Variants in ACTA2 observed in about 807,000 individuals in gnomAD.
ACTA2 encodes actin alpha 2, smooth muscle, also known as actin, aortic smooth muscle.
In ACTA2, 12 loss-of-function variants were observed where a neutral mutation model predicts 39.5. The ratio of observed to expected loss-of-function variants is 0.30; its 90% CI spans 0.19 to 0.49. ACTA2 has a LOEUF of 0.49. Ranked by LOEUF, ACTA2 falls within the 20% of genes least tolerant of loss-of-function variation. The pLI, the probability that ACTA2 is intolerant of heterozygous loss-of-function variation, is 0.99. For missense variants in ACTA2, 236 were observed against 498.8 expected, an observed-to-expected ratio of 0.47 and a Z score of 5.02; for synonymous variants, 158 against 180.6, an observed-to-expected ratio of 0.88 and a Z score of 1.00.
At chr10:88,965,326 T>A (rs972109934) in intron 1 of ACTA2, among the ~76,000 whole-genome samples, 1 of 152,198 alleles carries the variant, frequency 6.6e-6, no homozygotes, top group Non-Finnish European at 1.5e-5. Flanking sequence ...AGCAACTTTC[T>A]ATTTTCCCCA....
chr10:88,965,114 A>G (rs1237926515), intron 1 of ACTA2, among the ~76,000 whole-genome samples: 1 of 152,114 alleles, frequency 6.6e-6, no homozygotes, highest in African/African-American at 2.4e-5. Flanking sequence ...ACCTTCTTAG[A>G]TGCATTTTTT....
chr10:88,971,228 A>G (rs1243074576), intron 1 of ACTA2, among the ~76,000 whole-genome samples: 1 of 152,248 alleles, frequency 6.6e-6, no homozygotes, highest in Non-Finnish European at 1.5e-5. Flanking sequence ...TGCTACTTAA[A>G]TGAGTATCTC....
At position 88,990,541 on chromosome 10, in the gene ACTA2, C is replaced by G. The variant is rs777366435; in HGVS notation, c.-24+398G>C. The G allele has an allele frequency of 1.6e-6, 1 of 623,132 alleles. No homozygotes were observed. The highest frequency in any genetic ancestry group is 1.5e-5 in the South Asian group (1 of 65,982). The allele number at this position is 623,132 out of a possible 1,614,324, so 38.6% of individuals were successfully genotyped here. ...TGACTTCTCCCCCTCCCTACCCGCGCGCAGGCCAAGTTGCTGAATCAATGG... is the reference window on the plus strand; with the variant it reads ...TGACTTCTCCCCCTCCCTACCCGCGGGCAGGCCAAGTTGCTGAATCAATGG... On this transcript the variant is annotated intron_variant, in intron 1 of 4. Transcript: ENST00000415557. The surrounding 1 kb of genome is among the most constrained non-coding windows in gnomAD (Gnocchi z 4.9).
At position 88,990,109 on chromosome 10, in the gene ACTA2, T is replaced by TA. The variant is rs1180609907; in HGVS notation, c.-24+829_-24+830insT. On this transcript the variant is annotated intron_variant, in intron 1 of 4. Coordinates refer to the ACTA2 transcript ENST00000415557. This position sits in a 1 kb window ranked among gnomAD's most constrained non-coding sequence, Gnocchi z 4.9. ...GATTTGGCTTAAGTTGTTAGCTTTG[T>TA]TTTCCTCTTGAGAAATAAAAACTAA... Among the ~76,000 whole-genome samples the TA allele has an allele frequency of 1.3e-5, 2 of 152,242 alleles. No homozygotes were observed. Among genetic ancestry groups the TA allele is most frequent in the African/African-American group, 4.8e-5 (2 of 41,460 alleles).
At chr10:88,951,592 AAG>A (rs1846051172) in intron 1 of ACTA2, among the ~76,000 whole-genome samples, 3 of 152,220 alleles carry the variant, frequency 2.0e-5, no homozygotes, top group Non-Finnish European at 2.9e-5. Flanking sequence ...TGTCCCCGGA[AAG>A]AGTCAGCTCA....
chr10:88,980,706 C>T (rs962821267), intron 1 of ACTA2, among the ~76,000 whole-genome samples: 1 of 152,192 alleles, frequency 6.6e-6, no homozygotes, highest in Non-Finnish European at 1.5e-5. Context: ...AATGTCCCCC[C>T]TCTGGAGCAA....
At chr10:88,977,374 C>A (rs1344489823) in intron 1 of ACTA2, among the ~76,000 whole-genome samples, 2 of 151,296 alleles carry the variant, frequency 1.3e-5, no homozygotes, top group African/African-American at 2.4e-5. Context: ...TTTCAGCTTT[C>A]TACATATGGC....
chr10:88,950,858 A>G (rs1360305767), intron 1 of ACTA2, among the ~76,000 whole-genome samples: 2 of 152,222 alleles, frequency 1.3e-5, no homozygotes, highest in Admixed American at 1.3e-4. Context: ...GTTTAAAATA[A>G]TTTATAGTGG....
Position 88,935,197 on chromosome 10 carries a change from G to C in ACTA2, c.*26C>G. On this transcript the variant is annotated 3_prime_UTR_variant, in exon 9 of 9. Coordinates refer to ENST00000224784, the MANE Select transcript of ACTA2 (RefSeq NM_001613.4). ...ACAGGACATTCACAGTTGTGTGCTAGAGACAGAGAGGAGCAGGAAAGTGTT... is the reference window on the plus strand; with the variant it reads ...ACAGGACATTCACAGTTGTGTGCTACAGACAGAGAGGAGCAGGAAAGTGTT... 1 of 1,611,752 alleles carries C rather than the reference G, an allele frequency of 6.2e-7. No individual in the cohort carries two copies.
intron 2 of ACTA2, 85 bp from the exon 3 acceptor site, chr10:88,947,471 G>A (rs1845973420): frequency 6.3e-7 from 1 of 1,576,516 alleles, no homozygotes; most frequent in Admixed American, 1.7e-5. Context: ...TTAAGTCATT[G>A]AGATGGGAAG....
intron 1 of ACTA2, among the ~76,000 whole-genome samples, chr10:88,952,402 A>C (rs1448451337): frequency 2.6e-5 from 4 of 152,212 alleles, no homozygotes; most frequent in Non-Finnish European, 4.4e-5. Flanking sequence ...TAAATGTATA[A>C]CTTACTGCAC....
chr10:88,990,953 GGGGATAGGCAAAGT>G lies in ACTA2; in HGVS notation c.-52_-39del, dbSNP rs1847145944. ...TGGAGGCTTACCCCGTCTTAGTCCC[GGGGATAGGCAAAGT>G]GGGGCGGGCGCGGGACGCGTGCGGG... On this transcript the variant is annotated 5_prime_UTR_variant, in exon 1 of 5. Coordinates refer to the ACTA2 transcript ENST00000415557. This position sits in a 1 kb window ranked among gnomAD's most constrained non-coding sequence, Gnocchi z 4.9. 2 of 1,613,632 alleles carry G rather than the reference GGGGATAGGCAAAGT, an allele frequency of 1.2e-6. No homozygotes were observed. The highest frequency in any genetic ancestry group is 1.7e-5 in the Admixed American group (1 of 60,012).
exon 1 of ACTA2, chr10:88,991,141 CGAA>C: frequency 1.6e-6 from 1 of 615,648 alleles, no homozygotes; most frequent in East Asian, 2.7e-5. Flanking sequence ...GGCCTTGATG[CGAA>C]GTGCTGACCC....
At chr10:88,938,601 C>T (rs1327820853) in intron 7 of ACTA2, 1 of 274,774 alleles carries the variant, frequency 3.6e-6, no homozygotes, top group Non-Finnish European at 7.2e-6. Flanking sequence ...CAGAGCTCTC[C>T]CAGGTCTCCA....
chr10:88,960,832 T>A (rs557786138), intron 1 of ACTA2, among the ~76,000 whole-genome samples: 2 of 152,328 alleles, frequency 1.3e-5, no homozygotes, highest in African/African-American at 4.8e-5. Flanking sequence ...AACAAAGCTA[T>A]CTTACCAAGG....
intron 1 of ACTA2, among the ~76,000 whole-genome samples, chr10:88,952,126 A>C (rs1309712891): frequency 6.6e-6 from 1 of 152,212 alleles, no homozygotes; most frequent in African/African-American, 2.4e-5. Context: ...ATGTAGATCC[A>C]AACTTGTAAG....
At chr10:88,958,650 A>G (rs534468529) in intron 1 of ACTA2, among the ~76,000 whole-genome samples, 1 of 152,252 alleles carries the variant, frequency 6.6e-6, no homozygotes, top group South Asian at 2.1e-4. Context: ...TCACTATTCA[A>G]CATCCCTGCC....
intron 8 of ACTA2, among the ~76,000 whole-genome samples, chr10:88,937,770 T>C (rs573618666): frequency 2.0e-5 from 3 of 152,340 alleles, no homozygotes; most frequent in African/African-American, 4.8e-5. Flanking sequence ...ACAAAATGCA[T>C]ATTTTAAAGA....
chr10:88,977,642 GA>G (rs1243762296), intron 1 of ACTA2, among the ~76,000 whole-genome samples: 1 of 151,464 alleles, frequency 6.6e-6, no homozygotes, highest in African/African-American at 2.4e-5. Flanking sequence ...AAAAACACAT[GA>G]AAAAATGCTC....
Sources: gnomAD v4.1 joint callset for allele counts (sites outside exome capture counted in the v4.1 genomes callset) on GRCh38, gnomAD v4.1.1 for gene constraint, Gnocchi (gnomAD v3.1) non-coding constraint, MANE v1.5 for transcripts, NCBI Gene and HGNC (gene_info 2026-07-23, HGNC 2026-07-21) for gene names.